RIF1: variants seen among roughly 807,000 people sequenced by gnomAD.
RIF1 encodes replication timing regulatory factor 1.
A neutral mutation model predicts 247.1 loss-of-function variants in RIF1; 45 were observed. The ratio of observed to expected loss-of-function variants is 0.18; its 90% confidence interval spans 0.14 to 0.23. The LOEUF is 0.23. RIF1 is among the 10% of genes least tolerant of loss of function. The pLI is 1.00. For missense variants in RIF1, 2,967 were observed against 2,862.5 expected (o/e 1.04, Z -0.83); for synonymous variants, 1,087 against 978.8 (o/e 1.11, Z -2.06).
At chr2:151,443,043 T>C (rs1486220980) in intron 16 of RIF1, among the ~76,000 whole-genome samples, 1 of 152,102 alleles carries the variant, frequency 6.6e-6, no homozygotes, top group East Asian at 1.9e-4. Flanking sequence ...CCCAAAGTGC[T>C]GGCATTACAG....
In RIF1 at chr2:151,478,770, G is replaced by A. The variant is rs1368671735; in HGVS notation, c.*3699G>A. 1 of 152,058 alleles carries A rather than the reference G, an allele frequency of 6.6e-6. No individual in the cohort carries two copies. Among genetic ancestry groups the A allele is most frequent in the Non-Finnish European group, 1.5e-5 (1 of 68,008 alleles). The allele number at this position is 152,058 out of a possible 1,614,324, so 9.4% of individuals were successfully genotyped here. On this transcript the variant is annotated 3_prime_UTR_variant, in exon 36 of 36. Coordinates refer to ENST00000444746, the MANE Select transcript of RIF1 (RefSeq NM_018151.5). ...CTTTGACTTTAATTCAGTAAGAAAGGCCTAGGTTTCATCTCATATTCTTCA... is the reference window on the plus strand; with the variant it reads ...CTTTGACTTTAATTCAGTAAGAAAGACCTAGGTTTCATCTCATATTCTTCA...
chr2:151,446,274 C>T (rs1693256447), intron 19 of RIF1, 152 bp from the exon 20 acceptor site: 4 of 710,482 alleles, frequency 5.6e-6, no homozygotes, highest in East Asian at 2.8e-5. Flanking sequence ...GCTGGGGTTA[C>T]AGGCGTGAGC....
At chr2:151,522,358 A>G in the RIF1 span, among the ~76,000 whole-genome samples, 1 of 152,200 alleles carries the variant, frequency 6.6e-6, no homozygotes, top group African/African-American at 2.4e-5. Context: ...AGTATATTAA[A>G]AATCAAAAAT....
chr2:151,417,581 A>G (rs137917193), intron 6 of RIF1, among the ~76,000 whole-genome samples: 3 of 152,328 alleles, frequency 2.0e-5, no homozygotes, highest in Non-Finnish European at 4.4e-5. Context: ...TTGCATCTGT[A>G]TTGAACATGT....
the RIF1 span, chr2:151,531,052 G>A: frequency 1.2e-6 from 2 of 1,613,638 alleles, no homozygotes; most frequent in Non-Finnish European, 1.7e-6. Flanking sequence ...GTCGTGGATT[G>A]TGGTGTAGCC....
intron 20 of RIF1, among the ~76,000 whole-genome samples, chr2:151,450,498 T>C (rs1694107496): frequency 6.6e-6 from 1 of 152,206 alleles, no homozygotes; most frequent in African/African-American, 2.4e-5. Context: ...GTTACTGCCT[T>C]TTTCTTAAAT....
At chr2:151,514,749 C>T in the RIF1 span, 2 of 1,115,550 alleles carry the variant, frequency 1.8e-6, no homozygotes, top group African/African-American at 1.6e-5. Context: ...GTAGGAGGAA[C>T]ACATTAATGA....
At chr2:151,485,815 A>T (rs1384078832), downstream of RIF1, 4 of 1,614,010 alleles carry the variant, frequency 2.5e-6, no homozygotes, top group Non-Finnish European at 3.4e-6. Context: ...AGTCCTCTGC[A>T]CAGTGCCATA....
intron 4 of RIF1, among the ~76,000 whole-genome samples, chr2:151,415,981 CATG>C (rs1316394949): frequency 3.3e-5 from 5 of 152,150 alleles, no homozygotes; most frequent in African/African-American, 7.2e-5. Flanking sequence ...AGTTCTTTGA[CATG>C]ATAAATGTGG....
chr2:151,492,127 C>A (rs886054926), intron 9 of RIF1: 1 of 1,613,928 alleles, frequency 6.2e-7, no homozygotes, highest in Non-Finnish European at 8.5e-7. Flanking sequence ...TTGGTCATTC[C>A]GTTTTTGTTC....
intron 10 of RIF1, chr2:151,497,536 TAAA>T: frequency 6.6e-7 from 1 of 1,503,892 alleles, no homozygotes; most frequent in Non-Finnish European, 8.9e-7. Context: ...AAGTTGTCTT[TAAA>T]AAGTAGGATT....
the RIF1 span, chr2:151,514,845 G>C: frequency 6.3e-7 from 1 of 1,583,390 alleles, no homozygotes; most frequent in East Asian, 2.3e-5. Flanking sequence ...TTGCATATTT[G>C]ACATGTAACA....
rs748791777 is a variant in RIF1 at position 151,464,794 on chromosome 2, G to A, written c.5274G>A (p.Glu1758=). Residue 1758 remains glutamate (E), a synonymous_variant, in exon 30 of 36, where the codon GAG becomes GAA. Transcript: ENST00000444746. ...AGAATACAGAAAATAATGACGTAGA[G>A]ATTAGTGAAACAAAAAAGGCAGATG... The part of the protein sequence containing the change: ...GLKNTENNDV[E]ISETKKADVQ... 6.2e-6 allele frequency: 10 copies of A among 1,613,800 alleles called. No homozygotes were observed. The highest frequency in any genetic ancestry group is 8.5e-6 in the Non-Finnish European group (10 of 1,179,956).
intron 31 of RIF1, 29 bp from the exon 32 acceptor site, chr2:151,468,443 AGT>A (rs768203486): frequency 6.6e-7 from 1 of 1,524,186 alleles, no homozygotes; most frequent in Non-Finnish European, 9.1e-7. Flanking sequence ...TAGGGTTCTG[AGT>A]GTTTTTTTCT....
intron 11 of RIF1, among the ~76,000 whole-genome samples, 191 bp downstream of exon 11, chr2:151,435,771 T>G (rs1691073076): frequency 6.6e-6 from 1 of 151,970 alleles, no homozygotes; most frequent in South Asian, 2.1e-4. Context: ...TTTTTTGTTT[T>G]TTTTTTTTAA....
intron 20 of RIF1, among the ~76,000 whole-genome samples, chr2:151,446,926 A>G (rs535319611): frequency 2.7e-4 from 40 of 149,626 alleles, no homozygotes; most frequent in Admixed American, 9.0e-4. Context: ...CTTAGAAAAT[A>G]TAAGTCTCTT....
At chr2:151,490,432 C>G (rs773899245) in intron 9 of RIF1, 2 of 1,603,486 alleles carry the variant, frequency 1.2e-6, no homozygotes, top group East Asian at 2.3e-5. Flanking sequence ...TCTGGTGCTT[C>G]TGAATGCTCA....
intron 10 of RIF1, chr2:151,496,908 G>A (rs774504346): frequency 2.0e-6 from 3 of 1,504,954 alleles, no homozygotes; most frequent in Admixed American, 4.0e-5. Context: ...TTTAAAATCA[G>A]TAAGTAGTTT....
Position 151,445,451 on chromosome 2 carries a change from G to C in RIF1, c.2094+6G>C. The C allele has an allele frequency of 7.5e-7, 1 of 1,329,146 alleles. No homozygotes were observed. Among genetic ancestry groups the C allele is most frequent in the Non-Finnish European group, 1.1e-6 (1 of 920,158 alleles). The allele number at this position is 1,329,146 out of a possible 1,614,324, so 82.3% of individuals were successfully genotyped here. ...CAGAACAGAGATTTCCAGTGGTAAG[G>C]CATTGTCAAGTATTGATTTCCGAGG... On this transcript the variant is annotated splice_donor_region_variant and intron_variant, in intron 19 of 35. Transcript: ENST00000444746.
Sources: allele counts gnomAD v4.1 joint callset (sites outside exome capture counted in the v4.1 genomes callset), GRCh38; gene constraint gnomAD v4.1.1; transcripts MANE v1.5; gene names NCBI Gene and HGNC (gene_info 2026-07-23, HGNC 2026-07-21).